Variants in DAB2IP observed in about 807,000 individuals in gnomAD.
The protein encoded by DAB2IP is disabled homolog 2-interacting protein.
In DAB2IP, 28 loss-of-function variants were observed where a neutral mutation model predicts 107.2. That is an observed-to-expected ratio of 0.26 (90% confidence interval 0.19 to 0.36). The LOEUF (loss-of-function observed/expected upper bound fraction) is 0.36. Among genes scored for constraint, DAB2IP ranks in the 10% least tolerant of loss-of-function variants. The pLI is 1.00. For missense variants in DAB2IP, 1,400 were observed against 1,644.7 expected (o/e 0.85, Z 2.57); for synonymous variants, 755 against 706.4 (o/e 1.07, Z -1.09).
chr9:121,636,752 C>T (rs1832104863), intron 1 of DAB2IP, among the ~76,000 whole-genome samples: 1 of 152,222 alleles, frequency 6.6e-6, no homozygotes, highest in Non-Finnish European at 1.5e-5. Context: ...CTTTGCATGT[C>T]TTTACACCAC....
chr9:121,571,954 T>C (rs2118884361), intron 1 of DAB2IP, among the ~76,000 whole-genome samples: 1 of 150,054 alleles, frequency 6.7e-6, no homozygotes, highest in Non-Finnish European at 1.5e-5. Flanking sequence ...GTGATTGGCC[T>C]TAGTTTCCCT....
At chr9:121,725,446 C>T (rs1831186853) in intron 3 of DAB2IP, among the ~76,000 whole-genome samples, 1 of 152,170 alleles carries the variant, frequency 6.6e-6, no homozygotes. Flanking sequence ...TAGATTTGGC[C>T]TCTTTGACCC....
In DAB2IP at chr9:121,765,682, G is replaced by A. The variant is rs116290764; in HGVS notation, c.1461-812G>A. On this transcript the variant is annotated intron_variant, in intron 8 of 15. Coordinates refer to ENST00000408936, the Ensembl canonical transcript of DAB2IP. ...AGAGCCAAGTGTAGACTGAGTTCAC[G>A]GACCACTGGGGCCTGGCCTGCCCCA... 2.2e-3 allele frequency among the ~76,000 whole-genome samples: 336 copies of A among 152,290 alleles called. 1 individual carries two copies. The highest frequency in any genetic ancestry group is 5.8e-3 in the African/African-American group (242 of 41,570).
intron 1 of DAB2IP, among the ~76,000 whole-genome samples, chr9:121,645,481 G>A (rs926182313): frequency 6.6e-6 from 1 of 152,210 alleles, no homozygotes; most frequent in African/African-American, 2.4e-5. Flanking sequence ...CTTGGCGGCT[G>A]TATTTGGGTT....
At chr9:121,682,261 G>T (rs1288582681) in intron 2 of DAB2IP, among the ~76,000 whole-genome samples, 1 of 152,136 alleles carries the variant, frequency 6.6e-6, no homozygotes, top group Non-Finnish European at 1.5e-5. Flanking sequence ...AGGAAACATG[G>T]TTTTGCCTCG....
intron 4 of DAB2IP, 40 bp downstream of exon 4, chr9:121,757,206 T>C: frequency 6.2e-7 from 1 of 1,600,114 alleles, no homozygotes; most frequent in Admixed American, 1.7e-5. Flanking sequence ...CACCCCATCC[T>C]CTCCTGGCCT....
intron 3 of DAB2IP, among the ~76,000 whole-genome samples, chr9:121,727,128 A>G (rs551091252): frequency 6.6e-6 from 1 of 152,224 alleles, no homozygotes; most frequent in East Asian, 1.9e-4. Flanking sequence ...GAGGGGTGAT[A>G]CCTTGTGTCC....
intron 1 of DAB2IP, among the ~76,000 whole-genome samples, chr9:121,618,964 G>T (rs1353507418): frequency 1.3e-5 from 2 of 152,170 alleles, no homozygotes; most frequent in Admixed American, 6.5e-5. Context: ...AAATGATGTT[G>T]CAAGATTTCC....
At chr9:121,748,245 TTAGATACAGC>T (rs1427019246) in intron 3 of DAB2IP, among the ~76,000 whole-genome samples, 1 of 152,214 alleles carries the variant, frequency 6.6e-6, no homozygotes, top group Non-Finnish European at 1.5e-5. Context: ...GTGATAGACC[TTAGATACAGC>T]TGGGATAGAG....
At chr9:121,720,938 C>T (rs192999558) in intron 3 of DAB2IP, among the ~76,000 whole-genome samples, 2 of 152,086 alleles carry the variant, frequency 1.3e-5, no homozygotes, top group Admixed American at 6.5e-5. Context: ...TTCATTTACT[C>T]GAAAGAAAAA....
intron 2 of DAB2IP, among the ~76,000 whole-genome samples, chr9:121,697,450 C>T (rs1273975406): frequency 6.6e-6 from 1 of 152,200 alleles, no homozygotes; most frequent in East Asian, 1.9e-4. Context: ...TGGCAAGAGG[C>T]AGAGTTTGGG....
At chr9:121,784,116 G>A (rs1835842751) in exon 16 of DAB2IP, 2 of 161,454 alleles carry the variant, frequency 1.2e-5, no homozygotes, top group South Asian at 3.4e-4. Context: ...GGGGCTTTTA[G>A]ATGTAACCTA....
Position 121,689,112 on chromosome 9 carries a change from G to T in DAB2IP, c.229-10213G>T, listed in dbSNP as rs1004513327. 2.0e-5 allele frequency among the ~76,000 whole-genome samples: 3 copies of T among 152,072 alleles called. No individual in the cohort carries two copies. The South Asian group carries it at 6.2e-4, about 32-fold the overall frequency. ...GTTCTAGACCAGCATGGTCAACATG[G>T]TGAAACCCTGTCTCTATTAAAAACA... On this transcript the variant is annotated intron_variant, in intron 2 of 15. Coordinates refer to ENST00000408936, the Ensembl canonical transcript of DAB2IP.
intron 1 of DAB2IP, among the ~76,000 whole-genome samples, chr9:121,632,393 A>T (rs1310545395): frequency 6.6e-6 from 1 of 152,110 alleles, no homozygotes; most frequent in Non-Finnish European, 1.5e-5. Context: ...ACTGGAGGAG[A>T]TGCAGGGACA....
chr9:121,593,936 G>C (rs1564688995), intron 1 of DAB2IP, among the ~76,000 whole-genome samples: 3 of 151,898 alleles, frequency 2.0e-5, no homozygotes, highest in Admixed American at 6.6e-5. Context: ...CCAAAGTGCT[G>C]GGTTTACAGA....
intron 3 of DAB2IP, among the ~76,000 whole-genome samples, chr9:121,718,374 G>A (rs920484935): frequency 2.0e-5 from 3 of 152,198 alleles, no homozygotes; most frequent in Non-Finnish European, 4.4e-5. Context: ...GTGAGGTCAC[G>A]CCCAAGGGAT....
chr9:121,740,479 G>A (rs1832263403), intron 3 of DAB2IP, among the ~76,000 whole-genome samples: 2 of 152,188 alleles, frequency 1.3e-5, no homozygotes, highest in Admixed American at 6.5e-5. Flanking sequence ...TCCCAGAGCA[G>A]AGCTAGACTT....
chr9:121,580,730 T>C (rs916829860), intron 1 of DAB2IP, among the ~76,000 whole-genome samples: 1 of 152,116 alleles, frequency 6.6e-6, no homozygotes, highest in African/African-American at 2.4e-5. Context: ...GTTCACGCCA[T>C]TCTCCTGCCT....
intron 1 of DAB2IP, among the ~76,000 whole-genome samples, chr9:121,610,799 A>G (rs1486434729): frequency 6.6e-6 from 1 of 152,074 alleles, no homozygotes; most frequent in Admixed American, 6.5e-5. Context: ...GGAAGGGCGT[A>G]TTTGAAGATG....
Sources: allele counts gnomAD v4.1 joint callset (sites outside exome capture counted in the v4.1 genomes callset), GRCh38; gene constraint gnomAD v4.1.1; transcripts MANE v1.5; gene names NCBI Gene and HGNC (gene_info 2026-07-23, HGNC 2026-07-21).